Variants in PLD5 observed in about 807,000 individuals in gnomAD.
PLD5 encodes inactive phospholipase D5.
A neutral mutation model predicts 61.1 loss-of-function variants in PLD5; 36 were observed. The ratio of observed to expected loss-of-function variants is 0.59; its 90% CI spans 0.45 to 0.78. The LOEUF (loss-of-function observed/expected upper bound fraction) is 0.78, where lower values mean the gene tolerates loss of function less well. PLD5 is among the 30% of genes least tolerant of loss of function. PLD5 has a pLI of 0.00. For synonymous variants in PLD5, 243 were observed against 242.8 expected (o/e 1.00, Z -0.01); for missense variants, 515 against 644.4 (o/e 0.80, Z 2.17).
At chr1:242,327,149 G>A (rs1658845628) in intron 2 of PLD5, among the ~76,000 whole-genome samples, 1 of 151,770 alleles carries the variant, frequency 6.6e-6, no homozygotes, top group South Asian at 2.1e-4. Flanking sequence ...ACAAGCGTGA[G>A]CCACCACGCC....
chr1:242,247,278 G>T (rs541049577), intron 4 of PLD5, among the ~76,000 whole-genome samples: 2 of 152,196 alleles, frequency 1.3e-5, no homozygotes, highest in Non-Finnish European at 2.9e-5. Flanking sequence ...CACCGCGCCC[G>T]GCCTTAGGGA....
At chr1:242,507,887 G>A (rs1299183696) in intron 1 of PLD5, among the ~76,000 whole-genome samples, 2 of 152,184 alleles carry the variant, frequency 1.3e-5, no homozygotes, top group South Asian at 4.1e-4. Flanking sequence ...ACTTACTTTA[G>A]TGGTAATTAC....
At chr1:242,523,892 C>A (rs1365087948) in intron 1 of PLD5, among the ~76,000 whole-genome samples, 196 bp downstream of exon 1, 1 of 152,136 alleles carries the variant, frequency 6.6e-6, no homozygotes, top group Non-Finnish European at 1.5e-5. Flanking sequence ...GGGAACCTGC[C>A]CTCCCCTCCC....
At chr1:242,097,369 G>C (rs1660329354) in intron 9 of PLD5, among the ~76,000 whole-genome samples, 1 of 152,192 alleles carries the variant, frequency 6.6e-6, no homozygotes, top group African/African-American at 2.4e-5. Flanking sequence ...CCCACCAACA[G>C]TGTAAAAGTG....
chr1:242,498,665 CA>C (rs2102987493), intron 1 of PLD5, among the ~76,000 whole-genome samples: 1 of 152,280 alleles, frequency 6.6e-6, no homozygotes, highest in African/African-American at 2.4e-5. Context: ...CACCCTCTTA[CA>C]GAGGCTTTCC....
chr1:242,267,866 G>A (rs1396181011), intron 3 of PLD5, among the ~76,000 whole-genome samples: 1 of 145,696 alleles, frequency 6.9e-6, no homozygotes, highest in Non-Finnish European at 1.5e-5. Flanking sequence ...GGGCAACACA[G>A]CTAGACCCCA....
At chr1:242,415,250 A>G (rs1664756589) in intron 1 of PLD5, among the ~76,000 whole-genome samples, 1 of 152,158 alleles carries the variant, frequency 6.6e-6, no homozygotes, top group African/African-American at 2.4e-5. Context: ...CCTCTTCTAT[A>G]AAAATTGATG....
chr1:242,459,475 C>T (rs187204516), intron 1 of PLD5, among the ~76,000 whole-genome samples: 1 of 152,188 alleles, frequency 6.6e-6, no homozygotes, highest in African/African-American at 2.4e-5. Context: ...GTTTATTGTT[C>T]ATGTGTAAAA....
chr1:242,440,303 C>T (rs565816609), intron 1 of PLD5, among the ~76,000 whole-genome samples: 107 of 152,130 alleles, frequency 7.0e-4, no homozygotes, highest in Non-Finnish European at 6.2e-4. Flanking sequence ...CATGTAGGAG[C>T]TTGAAAGTTG....
chr1:242,451,620 T>C (rs535218803), intron 1 of PLD5, among the ~76,000 whole-genome samples: 2 of 151,890 alleles, frequency 1.3e-5, no homozygotes, highest in East Asian at 3.9e-4. Flanking sequence ...CTGCCATGCC[T>C]GGCTAATTTT....
intron 1 of PLD5, among the ~76,000 whole-genome samples, chr1:242,407,615 T>C (rs889388456): frequency 4.0e-5 from 6 of 151,130 alleles, no homozygotes; most frequent in African/African-American, 1.5e-4. Context: ...AGTTTTGCTC[T>C]GTCACCCAGA....
rs575126891 is a variant in PLD5, at chr1:242,202,566, C to T, written c.735+17422G>A. Among the ~76,000 whole-genome samples, 3 of 152,282 alleles carry T rather than the reference C, an allele frequency of 2.0e-5. No homozygotes were observed. In the South Asian group the frequency reaches 6.2e-4, roughly 32 times the overall value. ...GCCCATGCCTGTGACAGGGAGCTAACTCGAGAGAGGCTGGATGGCTGTCCA... is the reference window on the plus strand; with the variant it reads ...GCCCATGCCTGTGACAGGGAGCTAATTCGAGAGAGGCTGGATGGCTGTCCA... On this transcript the variant is annotated intron_variant, in intron 5 of 9. Coordinates refer to ENST00000536534, the MANE Select transcript of PLD5 (RefSeq NM_001372062.1).
intron 1 of PLD5, among the ~76,000 whole-genome samples, chr1:242,422,413 A>G (rs1288743221): frequency 6.6e-6 from 1 of 152,204 alleles, no homozygotes; most frequent in Non-Finnish European, 1.5e-5. Flanking sequence ...AAATGTTTTT[A>G]GAAAAAGTGG....
chr1:242,211,252 CCTT>C (rs1403038883), intron 5 of PLD5, among the ~76,000 whole-genome samples: 1 of 152,174 alleles, frequency 6.6e-6, no homozygotes, highest in Non-Finnish European at 1.5e-5. Context: ...TACACACAAA[CCTT>C]CTTGGAAGGC....
At chr1:242,449,225 A>T in intron 1 of PLD5, 1 of 1,187,616 alleles carries the variant, frequency 8.4e-7, no homozygotes, top group Non-Finnish European at 1.2e-6. Context: ...CTCATAAAAA[A>T]AGGACAGTGC....
chr1:242,336,286 CA>C (rs1659505260), intron 2 of PLD5, among the ~76,000 whole-genome samples: 1 of 152,154 alleles, frequency 6.6e-6, no homozygotes, highest in Admixed American at 6.5e-5. Flanking sequence ...TTTCACCTAG[CA>C]ATTCCATTTC....
intron 5 of PLD5, among the ~76,000 whole-genome samples, chr1:242,136,282 C>T (rs1663722495): frequency 2.0e-5 from 3 of 152,190 alleles, no homozygotes; most frequent in African/African-American, 7.2e-5. Flanking sequence ...GGTGTGAACA[C>T]TCCAAGGCAC....
In PLD5 at chr1:242,277,189, T is replaced by C. The variant is rs56251727; in HGVS notation, c.495+11173A>G. On this transcript the variant is annotated intron_variant, in intron 3 of 9. Transcript: ENST00000536534. ...CACAGCATCCACAGCCTGGCATCAT[T>C]CCTTTGCTCCAGGGGAAAGAGGGGA... Among the ~76,000 whole-genome samples the C allele has an allele frequency of 6.4e-3, 969 of 152,206 alleles. 10 individuals are homozygous for C. The highest frequency in any genetic ancestry group is 8.6e-3 in the Non-Finnish European group (588 of 68,016).
At chr1:242,158,028 C>G (rs887297774) in intron 5 of PLD5, among the ~76,000 whole-genome samples, 8 of 152,188 alleles carry the variant, frequency 5.3e-5, no homozygotes, top group African/African-American at 1.9e-4. Context: ...ATCTGGCAGT[C>G]TGGCCACAGC....
Sources: gnomAD v4.1 joint callset for allele counts (sites outside exome capture counted in the v4.1 genomes callset) on GRCh38, gnomAD v4.1.1 for gene constraint, MANE v1.5 for transcripts, NCBI Gene and HGNC (gene_info 2026-07-23, HGNC 2026-07-21) for gene names.